SIPA1L2: variants seen among roughly 807,000 people sequenced by gnomAD.
The protein encoded by SIPA1L2 is signal induced proliferation associated 1 like 2, also known as signal-induced proliferation-associated 1-like protein 2.
In SIPA1L2, 56 loss-of-function variants were observed where a neutral mutation model predicts 163.9. That is an observed-to-expected ratio of 0.34 (90% CI 0.28 to 0.43). SIPA1L2 has a LOEUF of 0.43. Ranked by LOEUF, SIPA1L2 falls within the 20% of genes least tolerant of loss-of-function variation. The pLI, the probability that SIPA1L2 is intolerant of heterozygous loss-of-function variation, is 1.00. For missense variants in SIPA1L2, 1,974 were observed against 2,193.5 expected, an observed-to-expected ratio of 0.90 and a Z score of 2.00; for synonymous variants, 877 against 865.7, an observed-to-expected ratio of 1.01 and a Z score of -0.23.
intron 2 of SIPA1L2, among the ~76,000 whole-genome samples, chr1:232,564,712 T>A (rs1313083004): frequency 6.6e-6 from 1 of 152,196 alleles, no homozygotes; most frequent in African/African-American, 2.4e-5. Context: ...CTCTGGGTTT[T>A]TATTGTGGGG....
intron 7 of SIPA1L2, among the ~76,000 whole-genome samples, chr1:232,477,676 G>A (rs962447411): frequency 5.3e-5 from 8 of 152,050 alleles, no homozygotes; most frequent in Admixed American, 1.3e-4. Context: ...TGATTTTTGC[G>A]CATACAATTT....
chr1:232,596,663 T>A (rs1661269494), intron 1 of SIPA1L2, among the ~76,000 whole-genome samples: 1 of 152,236 alleles, frequency 6.6e-6, no homozygotes, highest in African/African-American at 2.4e-5. Context: ...ATAAATACTC[T>A]ATTAAATTTC....
chr1:232,525,288 T>C (rs1052300321), intron 2 of SIPA1L2, among the ~76,000 whole-genome samples: 3 of 133,886 alleles, frequency 2.2e-5, no homozygotes, highest in Non-Finnish European at 3.0e-5. Context: ...CAGGCTGGAG[T>C]GCAGTGGCGC....
chr1:232,609,460 A>T (rs1451281430), intron 1 of SIPA1L2, among the ~76,000 whole-genome samples: 2 of 152,192 alleles, frequency 1.3e-5, no homozygotes, highest in Non-Finnish European at 2.9e-5. Context: ...AACAAAACAG[A>T]GAAACCATTG....
At chr1:232,577,547 C>T (rs141384474) in intron 1 of SIPA1L2, among the ~76,000 whole-genome samples, 5 of 152,100 alleles carry the variant, frequency 3.3e-5, no homozygotes, top group Non-Finnish European at 5.9e-5. Flanking sequence ...CAAAGTAAAC[C>T]GAAACCCTTT....
chr1:232,606,493 T>C (rs944988852), intron 1 of SIPA1L2, among the ~76,000 whole-genome samples: 1 of 152,096 alleles, frequency 6.6e-6, no homozygotes, highest in African/African-American at 2.4e-5. Context: ...AATCTCTAAC[T>C]TAATGTTTAG....
intron 2 of SIPA1L2, among the ~76,000 whole-genome samples, chr1:232,521,404 C>G (rs1667452304): frequency 6.6e-6 from 1 of 152,186 alleles, no homozygotes; most frequent in Non-Finnish European, 1.5e-5. Context: ...AGGATTTAGT[C>G]TCCACAAGAA....
chr1:232,620,910 T>C (rs865898894), intron 1 of SIPA1L2, among the ~76,000 whole-genome samples: 1 of 152,266 alleles, frequency 6.6e-6, no homozygotes. Flanking sequence ...TGTAAGCACT[T>C]ATTCTTTGGG....
intron 2 of SIPA1L2, among the ~76,000 whole-genome samples, chr1:232,551,864 A>C (rs1023406806): frequency 2.0e-5 from 3 of 152,256 alleles, no homozygotes; most frequent in African/African-American, 7.2e-5. Flanking sequence ...CATGAGAAGA[A>C]GTCTCGCTCT....
intron 4 of SIPA1L2, among the ~76,000 whole-genome samples, chr1:232,492,810 C>A (rs889275263): frequency 6.6e-6 from 1 of 152,090 alleles, no homozygotes; most frequent in East Asian, 1.9e-4. Flanking sequence ...GGCTCATCAA[C>A]GGAAGGGACT....
chr1:232,513,652 A>C (rs147010383), intron 3 of SIPA1L2, among the ~76,000 whole-genome samples: 14 of 152,314 alleles, frequency 9.2e-5, no homozygotes, highest in African/African-American at 3.1e-4. Flanking sequence ...GACTACCCAT[A>C]AACAAAGGCA....
Position 232,514,251 on chromosome 1 carries a change from T to G in SIPA1L2, c.1089A>C (p.Ala363=). The G allele has an allele frequency of 6.2e-7, 1 of 1,614,216 alleles. No individual in the cohort carries two copies. Among genetic ancestry groups the G allele is most frequent in the South Asian group, 1.1e-5 (1 of 91,086 alleles). ...KRKNITTGAS[A]ASQTQMPTGQ... ...CCGTAGGCATCTGAGTCTGGGATGC[T>G]GCAGATGCCCCAGTGGTTATGTTTT... Residue 363 remains alanine (A), a synonymous_variant, in exon 3 of 23, where the codon GCA becomes GCC. Coordinates refer to ENST00000674635, the MANE Select transcript of SIPA1L2 (RefSeq NM_020808.5).
intron 18 of SIPA1L2, among the ~76,000 whole-genome samples, chr1:232,417,970 C>T (rs1027883595): frequency 3.3e-5 from 5 of 152,136 alleles, no homozygotes; most frequent in Admixed American, 1.3e-4. Flanking sequence ...CATCAGGGAG[C>T]GGAATGGAAT....
Position 232,514,015 on chromosome 1 carries a change from A to T in SIPA1L2, c.1325T>A (p.Phe442Tyr). ...SSFSSGESCS[F>Y]ESSLSSHCTN... is the part of the protein sequence containing the mutation. ...GCAGTGAGAGCTGAGTGACGATTCG[A>T]AAGAGCAGCTTTCCCCAGAACTGAA... The change falls in exon 3 of 23, where the codon TTC becomes TAC. Residue 442 changes from phenylalanine to tyrosine, a missense_variant. Physicochemically the swap from Phe to Tyr is conservative, Grantham distance 22 (BLOSUM62 3). Transcript: ENST00000674635. 9 of 1,614,224 alleles carry T rather than the reference A, an allele frequency of 5.6e-6. No homozygotes were observed. The highest frequency in any genetic ancestry group is 6.8e-6 in the Non-Finnish European group (8 of 1,180,034).
At chr1:232,477,040 A>C (rs1280406069) in intron 7 of SIPA1L2, among the ~76,000 whole-genome samples, 2 of 152,200 alleles carry the variant, frequency 1.3e-5, no homozygotes, top group Non-Finnish European at 2.9e-5. Flanking sequence ...GGGTGAGAGA[A>C]ATGGAGTCAA....
chr1:232,398,210 GT>G lies in SIPA1L2; in HGVS notation c.*916del, dbSNP rs1439843479. 2.0e-5 allele frequency: 3 copies of G among 152,532 alleles called. No individual in the cohort carries two copies. Among genetic ancestry groups the G allele is most frequent in the Admixed American group, 6.5e-5 (1 of 15,268 alleles). 9.4% of individuals were successfully genotyped at this position (152,532 alleles called of 1,614,324 possible). ...AATTTTATAAAATTAACAATTTAAGGTTAAATAAGCTTAAATAAGGGTGTTA... is the reference window on the plus strand; with the variant it reads ...AATTTTATAAAATTAACAATTTAAGGTAAATAAGCTTAAATAAGGGTGTTA... On this transcript the variant is annotated 3_prime_UTR_variant, in exon 23 of 23. Coordinates refer to ENST00000674635, the MANE Select transcript of SIPA1L2 (RefSeq NM_020808.5).
intron 21 of SIPA1L2, 55 bp from the exon 22 acceptor site, chr1:232,402,528 G>GAGAGTCAATCGAGCATTT: frequency 1.3e-6 from 2 of 1,512,482 alleles, no homozygotes; most frequent in Non-Finnish European, 1.8e-6. Flanking sequence ...GAGCATTTTT[G>GAGAGTCAATCGAGCATTT]TTGGTCAAGT....
At chr1:232,541,083 T>G (rs1463649784) in intron 2 of SIPA1L2, among the ~76,000 whole-genome samples, 1 of 151,870 alleles carries the variant, frequency 6.6e-6, no homozygotes, top group Non-Finnish European at 1.5e-5. Flanking sequence ...CAACACACAC[T>G]GGGGCCAATG....
chr1:232,429,621 A>G (rs550958171), intron 16 of SIPA1L2, among the ~76,000 whole-genome samples: 1 of 152,350 alleles, frequency 6.6e-6, no homozygotes, highest in Non-Finnish European at 1.5e-5. Context: ...AAAAAAAAAA[A>G]AAGAAGCATT....
Sources: allele counts gnomAD v4.1 joint callset (sites outside exome capture counted in the v4.1 genomes callset), GRCh38; gene constraint gnomAD v4.1.1; transcripts MANE v1.5; gene names NCBI Gene and HGNC (gene_info 2026-07-23, HGNC 2026-07-21).